Variants in PGM5 observed in about 807,000 individuals in gnomAD.
PGM5 encodes phosphoglucomutase-like protein 5.
Under a neutral mutation model 59.2 loss-of-function variants are expected in PGM5, and 23 were observed. The ratio of observed to expected loss-of-function variants is 0.39; its 90% CI spans 0.28 to 0.55. PGM5 has a LOEUF of 0.55. Among genes scored for constraint, PGM5 ranks in the 20% least tolerant of loss-of-function variants. The pLI, the probability that PGM5 is intolerant of heterozygous loss-of-function variation, is 0.66. For synonymous variants in PGM5, 214 were observed against 286.0 expected (o/e 0.75, Z 2.54); for missense variants, 574 against 748.3 (o/e 0.77, Z 2.72).
chr9:68,496,094 A>AAC (rs60313890), intron 9 of PGM5, among the ~76,000 whole-genome samples: 5,040 of 152,330 alleles, frequency 0.033, 300 homozygotes, highest in African/African-American at 0.11. Context: ...TACAGGCTAC[A>AAC]TAGTGCCAAC....
chr9:68,398,994 TGTTTATTGG>T (rs1554680299), intron 6 of PGM5: 1 of 152,140 alleles, frequency 6.6e-6, no homozygotes, highest in South Asian at 2.1e-4. Flanking sequence ...ACAAAAAATG[TGTTTATTGG>T]GTATTGTGTA....
intron 10 of PGM5, among the ~76,000 whole-genome samples, chr9:68,529,164 CGTGTGTGTGTGTGTGT>C (rs3223716): frequency 7.6e-5 from 10 of 131,862 alleles, no homozygotes; most frequent in Admixed American, 4.6e-4. Flanking sequence ...CTTTTATTCT[CGTGTGTGTGTGTGTGT>C]GTGTGTGTGT....
chr9:68,496,838 A>G (rs1477538221), intron 9 of PGM5: 1 of 152,180 alleles, frequency 6.6e-6, no homozygotes, highest in Non-Finnish European at 1.5e-5. Flanking sequence ...CAAAGGGTTG[A>G]GTCTGGGGGC....
chr9:68,361,840 A>G (rs2131971657), intron 1 of PGM5, among the ~76,000 whole-genome samples: 1 of 152,080 alleles, frequency 6.6e-6, no homozygotes. Context: ...TTCTTTTTTT[A>G]AAGACTATTT....
intron 8 of PGM5, among the ~76,000 whole-genome samples, chr9:68,481,323 G>A (rs1156692210): frequency 5.3e-5 from 8 of 152,170 alleles, no homozygotes; most frequent in Admixed American, 2.0e-4. Context: ...GGATGTGATA[G>A]CTTGCAAAAC....
intron 1 of PGM5, among the ~76,000 whole-genome samples, chr9:68,367,414 G>A (rs559280752): frequency 2.0e-5 from 3 of 152,252 alleles, no homozygotes; most frequent in Admixed American, 1.3e-4. Flanking sequence ...TTACTGAAAG[G>A]AACAGACCAA....
At chr9:68,377,778 G>A (rs1821959513) in intron 1 of PGM5, among the ~76,000 whole-genome samples, 1 of 152,258 alleles carries the variant, frequency 6.6e-6, no homozygotes, top group South Asian at 2.1e-4. Context: ...CTCTGAGCTT[G>A]TTCTAAGTTA....
At chr9:68,481,937 G>A (rs961678459) in intron 8 of PGM5, among the ~76,000 whole-genome samples, 4 of 152,158 alleles carry the variant, frequency 2.6e-5, no homozygotes, top group Non-Finnish European at 2.9e-5. Flanking sequence ...TTCTTGGCAG[G>A]CTGAAAATAA....
chr9:68,480,071 C>T (rs1306645615), intron 8 of PGM5, among the ~76,000 whole-genome samples: 1 of 152,192 alleles, frequency 6.6e-6, no homozygotes, highest in Non-Finnish European at 1.5e-5. Flanking sequence ...GATGACATCA[C>T]TCTTTAATCT....
intron 10 of PGM5, among the ~76,000 whole-genome samples, chr9:68,504,721 T>A (rs1377620208): frequency 1.3e-5 from 2 of 152,056 alleles, no homozygotes; most frequent in African/African-American, 4.8e-5. Context: ...ATATATATAT[T>A]TATTTTATTT....
rs1554685698 is a variant in PGM5, at chr9:68,465,146, T to A, written c.1097T>A (p.Phe366Tyr). ...TATGAGACCCCAGCTGGATGGAGAT[T>A]CTTCTCAAATCTGATGGACTCAGGA... ...PVYETPAGWR[F>Y]FSNLMDSGRC... Residue 366 changes from phenylalanine to tyrosine, a missense_variant, in exon 7 of 11, where the codon TTC (phenylalanine) becomes TAC (tyrosine). By Grantham distance (22) the Phe-to-Tyr change is conservative. Coordinates refer to ENST00000396396, the MANE Select transcript of PGM5 (RefSeq NM_021965.4). 6.2e-7 allele frequency: 1 copy of A among 1,613,522 alleles called. No individual in the cohort carries two copies. The highest frequency in any genetic ancestry group is 1.7e-5 in the Admixed American group (1 of 60,010).
At chr9:68,422,479 G>A (rs1006257540) in intron 6 of PGM5, among the ~76,000 whole-genome samples, 1 of 151,314 alleles carries the variant, frequency 6.6e-6, no homozygotes, top group Non-Finnish European at 1.5e-5. Context: ...GTTTTTTTGA[G>A]AGGGGTTTCA....
intron 6 of PGM5, among the ~76,000 whole-genome samples, chr9:68,462,704 C>T (rs1251340176): frequency 3.3e-5 from 5 of 152,052 alleles, no homozygotes; most frequent in Admixed American, 6.6e-5. Context: ...CCCTCCCTCT[C>T]ACCCTCACCT....
intron 6 of PGM5, among the ~76,000 whole-genome samples, chr9:68,449,987 C>T (rs1823670396): frequency 6.6e-6 from 1 of 152,128 alleles, no homozygotes; most frequent in East Asian, 1.9e-4. Flanking sequence ...AGAGTTGGAC[C>T]TCAGCCTGCT....
intron 3 of PGM5, among the ~76,000 whole-genome samples, chr9:68,385,616 A>G (rs1206032359): frequency 1.3e-5 from 2 of 152,030 alleles, no homozygotes; most frequent in African/African-American, 2.4e-5. Context: ...ATGCATAGGC[A>G]TATGTGTGCA....
intron 6 of PGM5, among the ~76,000 whole-genome samples, chr9:68,415,466 C>A (rs1349878866): frequency 1.4e-5 from 2 of 146,752 alleles, no homozygotes; most frequent in Non-Finnish European, 2.9e-5. Context: ...AAAGCACAGC[C>A]TGGAACCTGG....
At chr9:68,512,720 T>G (rs1412765722) in intron 10 of PGM5, among the ~76,000 whole-genome samples, 1 of 152,226 alleles carries the variant, frequency 6.6e-6, no homozygotes, top group Non-Finnish European at 1.5e-5. Flanking sequence ...CTTAAAATAA[T>G]GTCACATTCT....
intron 6 of PGM5, among the ~76,000 whole-genome samples, chr9:68,444,326 G>C (rs1018564576): frequency 1.1e-4 from 17 of 152,094 alleles, no homozygotes; most frequent in African/African-American, 3.9e-4. Context: ...CTTTCCATAG[G>C]ATTCAGTCAA....
At chr9:68,467,115 T>C (rs1286433902) in intron 7 of PGM5, among the ~76,000 whole-genome samples, 3 of 152,182 alleles carry the variant, frequency 2.0e-5, no homozygotes, top group Non-Finnish European at 4.4e-5. Flanking sequence ...GATCGTCGCT[T>C]GCATACCTGT....
Sources: allele counts gnomAD v4.1 joint callset (sites outside exome capture counted in the v4.1 genomes callset), GRCh38; gene constraint gnomAD v4.1.1; transcripts MANE v1.5; gene names NCBI Gene and HGNC (gene_info 2026-07-23, HGNC 2026-07-21).